Variants in ADAMTSL4 observed in about 807,000 individuals in gnomAD.
ADAMTSL4 encodes ADAMTS-like protein 4.
A neutral mutation model predicts 122.8 loss-of-function variants in ADAMTSL4; 97 were observed. The ratio of observed to expected loss-of-function variants is 0.79; its 90% CI spans 0.67 to 0.93. The LOEUF (loss-of-function observed/expected upper bound fraction) is 0.93. ADAMTSL4 is among the 40% of genes least tolerant of loss of function. The pLI is 0.00. For synonymous variants in ADAMTSL4, 592 were observed against 568.0 expected (o/e 1.04, Z -0.60); for missense variants, 1,408 against 1,453.5 (o/e 0.97, Z 0.51).
intron 2 of ADAMTSL4, chr1:150,551,006 G>C (rs1481753302): frequency 1.5e-5 from 7 of 455,744 alleles, no homozygotes; most frequent in Middle Eastern, 3.2e-4. Flanking sequence ...TTTTTTTCCT[G>C]GAAAGCAGAA....
In ADAMTSL4 at chr1:150,557,569, G is replaced by A. The variant is rs776839483; in HGVS notation, c.2123G>A (p.Gly708Asp). ...CTGGATGAACGCAGCTGTGCCGCGG[G>A]TGCCAGGCCCCCAGCCTCCCCTGAA... ...EELDERSCAA[G>D]ARPPASPEPC... is the part of the protein sequence containing the mutation. The change falls in exon 13 of 19, where the codon GGT becomes GAT. Residue 708 changes from glycine (G) to aspartate (D), a missense_variant. Gly to Asp is a moderately conservative substitution (Grantham distance 94, BLOSUM62 -1). Coordinates refer to ENST00000271643, the MANE Select transcript of ADAMTSL4 (RefSeq NM_019032.6). The A allele has an allele frequency of 3.1e-6, 5 of 1,606,150 alleles. No homozygotes were observed. Among genetic ancestry groups the A allele is most frequent in the Non-Finnish European group, 4.2e-6 (5 of 1,176,914 alleles).
Position 150,556,119 on chromosome 1 carries a change from T to C in ADAMTSL4, c.1372-43T>C, listed in dbSNP as rs1161801372. 6.2e-7 allele frequency: 1 copy of C among 1,606,384 alleles called. No homozygotes were observed. Among genetic ancestry groups the C allele is most frequent in the African/African-American group, 1.3e-5 (1 of 74,850 alleles). ...GGGGACCGGGGTGGGGTTGAGGTGGTGTCTGGCGTTCTGTGGCCACTGCCT... is the reference window on the plus strand; with the variant it reads ...GGGGACCGGGGTGGGGTTGAGGTGGCGTCTGGCGTTCTGTGGCCACTGCCT... On this transcript the variant is annotated intron_variant, in intron 8 of 18. Coordinates refer to ENST00000271643, the MANE Select transcript of ADAMTSL4 (RefSeq NM_019032.6). This position sits in a 1 kb window ranked among gnomAD's most constrained non-coding sequence, Gnocchi z 4.1.
chr1:150,555,776 CACAT>C (rs1560293942), intron 8 of ADAMTSL4, among the ~76,000 whole-genome samples: 2 of 148,946 alleles, frequency 1.3e-5, no homozygotes, highest in Non-Finnish European at 2.9e-5. Context: ...CATATGCAGA[CACAT>C]GCATGCACAT....
At position 150,554,827 on chromosome 1, in the gene ADAMTSL4, T is replaced by C. The variant is rs1161707786; in HGVS notation, c.1234+360T>C. On this transcript the variant is annotated intron_variant, in intron 7 of 18. Transcript: ENST00000271643. The surrounding 1 kb of genome is among the most constrained non-coding windows in gnomAD (Gnocchi z 4.0). The stretch of plus-strand genomic sequence containing the variant: ...GCATCCTGGGCACTGTCGTATCGGT[T>C]GCTCCCAGGTTACCATCCGCTTCAT... 6.3e-6 allele frequency: 4 copies of C among 633,878 alleles called. No homozygotes were observed. In the East Asian group the frequency reaches 1.1e-4, roughly 18 times the overall value. 39.3% of individuals were successfully genotyped at this position (633,878 alleles called of 1,614,324 possible).
chr1:150,557,012 A>G lies in ADAMTSL4; in HGVS notation c.1823A>G (p.Asn608Ser). Reference protein sequence around the residue: ...VISSPPPILENPTPEPPVPQL... With the variant: ...VISSPPPILESPTPEPPVPQL... ...TCTTCACCTCCTCCAATCCTTGAGA[A>G]CCCCACCCCAGAGCCCCCTGTCCCC... Residue 608 changes from asparagine (N) to serine (S), a missense_variant, in exon 11 of 19, where the codon AAC (asparagine) becomes AGC (serine). Asn to Ser is a conservative substitution (Grantham distance 46, BLOSUM62 1). Transcript: ENST00000271643. 6.2e-7 allele frequency: 1 copy of G among 1,613,900 alleles called. No individual in the cohort carries two copies. Among genetic ancestry groups the G allele is most frequent in the East Asian group, 2.2e-5 (1 of 44,866 alleles).
At chr1:150,558,883 CGTCCCTCCCTGCCCCCCTACT>C (rs1672494386) in intron 15 of ADAMTSL4, 58 bp from the exon 16 acceptor site, 2 of 1,539,514 alleles carry the variant, frequency 1.3e-6, no homozygotes, top group Non-Finnish European at 1.7e-6. Context: ...ACCCAGGATG[CGTCCCTCCCTGCCCCCCTACT>C]GTCCCTTGTG....
Position 150,552,030 on chromosome 1 carries a change from C to T in ADAMTSL4, c.-84-175C>T. 3 of 552,978 alleles carry T rather than the reference C, an allele frequency of 5.4e-6. No individual in the cohort carries two copies. The highest frequency in any genetic ancestry group is 9.7e-6 in the Non-Finnish European group (3 of 310,592). The allele number at this position is 552,978 out of a possible 1,614,324, so 34.3% of individuals were successfully genotyped here. The stretch of plus-strand genomic sequence containing the variant: ...CCTTAGTTGGAGGGCTGAGGTCAGC[C>T]CCTGACCATGTAGCCTCTACAGATG... On this transcript the variant is annotated intron_variant, in intron 2 of 18. Coordinates refer to ENST00000271643, the MANE Select transcript of ADAMTSL4 (RefSeq NM_019032.6). This position sits in a 1 kb window ranked among gnomAD's most constrained non-coding sequence, Gnocchi z 4.0.
rs377120955 is a variant in ADAMTSL4 at position 150,553,755 on chromosome 1, C to T, written c.764C>T (p.Ala255Val). ...GCCCCCCTACGGCATCACCCCAGAG[C>T]CCAGGCCTCTGGCACAGAGCCCCCC... ...RPAPLRHHPR[A>V]QASGTEPPSP... Residue 255 changes from alanine (A) to valine (V), a missense_variant, in exon 6 of 19, where the codon GCC (alanine) becomes GTC (valine). By Grantham distance (64) the Ala-to-Val change is moderately conservative. Transcript: ENST00000271643. 5.6e-5 allele frequency: 90 copies of T among 1,607,544 alleles called. No homozygotes were observed. Among genetic ancestry groups the T allele is most frequent in the Non-Finnish European group, 6.6e-5 (78 of 1,174,188 alleles).
chr1:150,552,462 G>A lies in ADAMTSL4; in HGVS notation c.21-81G>A. ...AGAAGTTGGTAGTCAGGATATGGGA[G>A]CCGGCTGGGGGCGGAGGGCAGTGTT... On this transcript the variant is annotated intron_variant, in intron 3 of 18. Transcript: ENST00000271643. The surrounding 1 kb of genome is among the most constrained non-coding windows in gnomAD (Gnocchi z 4.0). 1 of 1,599,306 alleles carries A rather than the reference G, an allele frequency of 6.3e-7. No homozygotes were observed. Among genetic ancestry groups the A allele is most frequent in the Non-Finnish European group, 8.6e-7 (1 of 1,167,478 alleles).
chr1:150,553,953 G>A lies in ADAMTSL4; in HGVS notation c.962G>A (p.Gly321Glu). The change falls in exon 6 of 19, where the codon GGG becomes GAG. Residue 321 changes from glycine (G) to glutamate (E), a missense_variant. By Grantham distance (98) the Gly-to-Glu change is moderately conservative. Coordinates refer to ENST00000271643, the MANE Select transcript of ADAMTSL4 (RefSeq NM_019032.6). Reference protein sequence around the residue: ...QQGQGPWGTGGTPHGPRLEPD... With the variant: ...QQGQGPWGTGETPHGPRLEPD... ...GGCCAAGGGCCTTGGGGAACGGGGG[G>A]GACTCCTCACGGGCCCCGCCTGGAG... The A allele has an allele frequency of 1.9e-6, 3 of 1,610,282 alleles. No homozygotes were observed. The highest frequency in any genetic ancestry group is 2.5e-6 in the Non-Finnish European group (3 of 1,178,724).
intron 8 of ADAMTSL4, among the ~76,000 whole-genome samples, 158 bp downstream of exon 8, chr1:150,555,723 A>G (rs964137241): frequency 2.7e-5 from 4 of 149,484 alleles, no homozygotes; most frequent in African/African-American, 7.6e-5. Context: ...ACACACGCAC[A>G]CACACACACG....
rs1672668992 is a variant in ADAMTSL4 at position 150,560,695 on chromosome 1, G to A, written c.*499G>A. On this transcript the variant is annotated 3_prime_UTR_variant, in exon 19 of 19. Transcript: ENST00000271643. ...TCATTTGCCTAGTATCTCTGCCCCT[G>A]CCTCCCTAATTAGCTAGGGCTGGGG... is the stretch of plus-strand genomic sequence containing the variant. 2 of 172,080 alleles carry A rather than the reference G, an allele frequency of 1.2e-5. No individual in the cohort carries two copies. Among genetic ancestry groups the A allele is most frequent in the African/African-American group, 4.8e-5 (2 of 41,924 alleles). 10.7% of individuals were successfully genotyped at this position (172,080 alleles called of 1,614,324 possible).
Position 150,560,483 on chromosome 1 carries a change from C to A in ADAMTSL4, c.*287C>A. On this transcript the variant is annotated 3_prime_UTR_variant, in exon 19 of 19. Coordinates refer to ENST00000271643, the MANE Select transcript of ADAMTSL4 (RefSeq NM_019032.6). Reference sequence around the variant, plus strand: ...ACTTTTCAAAAAGAGGTTACACAGACTGAGAAGGACAAGACCTGTTTCCTT... The same window carrying A: ...ACTTTTCAAAAAGAGGTTACACAGAATGAGAAGGACAAGACCTGTTTCCTT... 2.0e-6 allele frequency: 1 copy of A among 500,374 alleles called. No individual in the cohort carries two copies. The highest frequency in any genetic ancestry group is 3.6e-6 in the Non-Finnish European group (1 of 275,550). The allele number at this position is 500,374 out of a possible 1,614,324, so 31.0% of individuals were successfully genotyped here.
At chr1:150,557,674 G>C in intron 13 of ADAMTSL4, 51 bp downstream of exon 13, 1 of 1,566,102 alleles carries the variant, frequency 6.4e-7, no homozygotes, top group Non-Finnish European at 8.7e-7. Context: ...AAACACAGCA[G>C]TTGCCCCCAG....
Position 150,554,082 on chromosome 1 carries a change from G to A in ADAMTSL4, c.1091G>A (p.Cys364Tyr), listed in dbSNP as rs754549801. The part of the protein sequence containing the change: ...LFAPSSPIPR[C>Y]SGESEQLRAC... The stretch of plus-strand genomic sequence containing the variant: ...GCTCCCAGTAGCCCTATTCCAAGAT[G>A]TTCTGGGGAGAGTGAACAGCTAAGA... The change falls in exon 6 of 19, where the codon TGT (cysteine) becomes TAT (tyrosine). Residue 364 changes from cysteine to tyrosine, a missense_variant. Physicochemically the swap from Cys to Tyr is radical, Grantham distance 194. Transcript: ENST00000271643. The surrounding 1 kb of genome is among the most constrained non-coding windows in gnomAD (Gnocchi z 4.0). The A allele has an allele frequency of 5.0e-6, 8 of 1,602,236 alleles. No homozygotes were observed. Among genetic ancestry groups the A allele is most frequent in the Non-Finnish European group, 5.1e-6 (6 of 1,179,950 alleles).
rs1672094333 is a variant in ADAMTSL4, at chr1:150,556,213, G to A, written c.1423G>A (p.Gly475Arg). ...CTCTGGCAGGCGTCCTGATGGCTGT[G>A]GAGTCTGTGGGGGTGATGATTCTAC... ...LGSGRRPDGC[G>R]VCGGDDSTCR... is the part of the protein sequence containing the mutation. The change falls in exon 9 of 19, where the codon GGA (glycine) becomes AGA (arginine). Residue 475 changes from glycine (G) to arginine (R), a missense_variant. Coordinates refer to ENST00000271643, the MANE Select transcript of ADAMTSL4 (RefSeq NM_019032.6). The surrounding 1 kb of genome is among the most constrained non-coding windows in gnomAD (Gnocchi z 4.1). 6.2e-7 allele frequency: 1 copy of A among 1,614,184 alleles called. No individual in the cohort carries two copies. The highest frequency in any genetic ancestry group is 8.5e-7 in the Non-Finnish European group (1 of 1,180,044).
rs1217974935 is a variant in ADAMTSL4, at chr1:150,559,375, G to T, written c.2852G>T (p.Ser951Ile). The change falls in exon 17 of 19, where the codon AGC becomes ATC. Residue 951 changes from serine (S) to isoleucine (I), a missense_variant. By Grantham distance (142) the Ser-to-Ile change is moderately radical. Transcript: ENST00000271643. This position sits in a 1 kb window ranked among gnomAD's most constrained non-coding sequence, Gnocchi z 4.1. ...ACGGAGTTCAACGTGACTTCTCCGA[G>T]CAACTGTTCTCACCTCCCCAGGCCC... ...LGTEFNVTSP[S>I]NCSHLPRPPA... 1 of 1,613,872 alleles carries T rather than the reference G, an allele frequency of 6.2e-7. No individual in the cohort carries two copies. The highest frequency in any genetic ancestry group is 1.1e-5 in the South Asian group (1 of 91,090).
intron 2 of ADAMTSL4, 131 bp downstream of exon 2, chr1:150,550,026 G>A: frequency 3.2e-6 from 1 of 317,220 alleles, no homozygotes; most frequent in Non-Finnish European, 6.4e-6. Context: ...CTCAGGACAG[G>A]GATTCTCCAT....
At chr1:150,558,324 C>T in intron 14 of ADAMTSL4, 149 bp from the exon 15 acceptor site, 3 of 1,518,226 alleles carry the variant, frequency 2.0e-6, no homozygotes, top group Non-Finnish European at 1.8e-6. Flanking sequence ...GGCCCAGGGC[C>T]CTAGGGCTCA....
Sources: gnomAD v4.1 joint callset for allele counts (sites outside exome capture counted in the v4.1 genomes callset) on GRCh38, gnomAD v4.1.1 for gene constraint, Gnocchi (gnomAD v3.1) non-coding constraint, MANE v1.5 for transcripts, NCBI Gene and HGNC (gene_info 2026-07-23, HGNC 2026-07-21) for gene names.